The following WDR49 variants were observed in gnomAD, a reference collection of about 807,000 sequenced individuals.
WDR49 encodes the protein cilia- and flagella-associated protein 337.
Under a neutral mutation model 119.5 loss-of-function variants are expected in WDR49, and 107 were observed. The ratio of observed to expected loss-of-function variants is 0.90; its 90% confidence interval spans 0.77 to 1.05. The LOEUF is 1.05. Among genes scored for constraint, WDR49 ranks in the 50% least tolerant of loss-of-function variants. WDR49 has a pLI of 0.00. For missense variants in WDR49, 1,240 were observed against 1,220.5 expected, an observed-to-expected ratio of 1.02 and a Z score of -0.24; for synonymous variants, 425 against 418.8, an observed-to-expected ratio of 1.01 and a Z score of -0.18.
chr3:167,520,098 T>C (rs1281288922), intron 16 of WDR49, among the ~76,000 whole-genome samples: 2 of 151,470 alleles, frequency 1.3e-5, no homozygotes, highest in African/African-American at 4.9e-5. Context: ...TGTGTGTGTG[T>C]GCAAACTGGG....
intron 18 of WDR49, among the ~76,000 whole-genome samples, chr3:167,497,514 C>A (rs899989631): frequency 2.0e-5 from 3 of 152,096 alleles, no homozygotes; most frequent in Admixed American, 6.5e-5. Flanking sequence ...CACCTCTTTG[C>A]CCACACTTTT....
intron 5 of WDR49, among the ~76,000 whole-genome samples, chr3:167,616,876 G>T (rs760154389): frequency 6.6e-6 from 1 of 152,136 alleles, no homozygotes. Flanking sequence ...GGATACTAAG[G>T]TGAATGAGGA....
chr3:167,550,763 GTT>G (rs1308991677), intron 10 of WDR49, among the ~76,000 whole-genome samples: 5 of 135,726 alleles, frequency 3.7e-5, no homozygotes, highest in Admixed American at 7.5e-5. Context: ...GAACTAGGAG[GTT>G]TTTTTTTTTT....
chr3:167,576,547 G>T (rs1427075678), intron 7 of WDR49, among the ~76,000 whole-genome samples: 2 of 152,166 alleles, frequency 1.3e-5, no homozygotes, highest in Admixed American at 6.5e-5. Context: ...TGGTGAGATT[G>T]TCCTGGATTA....
intron 16 of WDR49, among the ~76,000 whole-genome samples, chr3:167,520,788 G>C (rs1009940859): frequency 4.6e-5 from 7 of 152,126 alleles, no homozygotes; most frequent in African/African-American, 1.7e-4. Context: ...ATTTTGCCAA[G>C]AAGGTAGCTC....
At position 167,563,849 on chromosome 3, in the gene WDR49, C is replaced by A. The variant is rs112614054; in HGVS notation, c.1510-3621G>T. On this transcript the variant is annotated intron_variant, in intron 8 of 18. Coordinates refer to ENST00000682715, the MANE Select transcript of WDR49 (RefSeq NM_001366157.1). The stretch of plus-strand genomic sequence containing the variant: ...GTGCTATAGAACACTAGAACTTATT[C>A]TTCTGATCTAGCTGTACTAAAAAGC... Among the ~76,000 whole-genome samples, 611 of 152,268 alleles carry A rather than the reference C, an allele frequency of 4.0e-3. 1 individual carries two copies. The highest frequency in any genetic ancestry group is 0.014 in the African/African-American group (580 of 41,566).
chr3:167,496,322 A>G (rs1209123405), intron 18 of WDR49, among the ~76,000 whole-genome samples: 1 of 151,960 alleles, frequency 6.6e-6, no homozygotes, highest in Non-Finnish European at 1.5e-5. Context: ...GCCCCCACCT[A>G]CCTGTCTAGC....
At chr3:167,527,553 G>A (rs1752679966) in intron 15 of WDR49, among the ~76,000 whole-genome samples, 1 of 152,004 alleles carries the variant, frequency 6.6e-6, no homozygotes, top group South Asian at 2.1e-4. Context: ...TTATTCTAGA[G>A]GAGAATTTTT....
chr3:167,635,069 T>C (rs530515681), intron 2 of WDR49, among the ~76,000 whole-genome samples: 1 of 151,864 alleles, frequency 6.6e-6, no homozygotes, highest in African/African-American at 2.4e-5. Flanking sequence ...TATAACCCCA[T>C]TATTAAAAAT....
chr3:167,554,842 C>G (rs1553865505), intron 9 of WDR49, 44 bp from the exon 10 acceptor site: 1 of 1,377,294 alleles, frequency 7.3e-7, no homozygotes, highest in South Asian at 1.3e-5. Context: ...GGAAGGTAAA[C>G]TTTTTATATT....
At chr3:167,602,633 A>G (rs527609708) in intron 6 of WDR49, among the ~76,000 whole-genome samples, 1 of 152,294 alleles carries the variant, frequency 6.6e-6, no homozygotes, top group South Asian at 2.1e-4. Context: ...AGCTTAGCCT[A>G]CAAATGTAGG....
At chr3:167,490,004 G>A (rs1178280181) in intron 18 of WDR49, among the ~76,000 whole-genome samples, 6 of 152,026 alleles carry the variant, frequency 3.9e-5, no homozygotes, top group African/African-American at 1.2e-4. Flanking sequence ...TTTCTAAGGA[G>A]CTCCCTGGTG....
intron 5 of WDR49, among the ~76,000 whole-genome samples, chr3:167,615,182 T>C (rs1716534609): frequency 6.6e-6 from 1 of 152,182 alleles, no homozygotes; most frequent in African/African-American, 2.4e-5. Context: ...CAGAGGTACT[T>C]GAGGAGTATA....
intron 2 of WDR49, among the ~76,000 whole-genome samples, chr3:167,648,644 T>C (rs774635971): frequency 2.0e-5 from 3 of 152,194 alleles, no homozygotes; most frequent in Non-Finnish European, 4.4e-5. Flanking sequence ...CTGTCCCTAC[T>C]TGCCATACGA....
intron 2 of WDR49, among the ~76,000 whole-genome samples, chr3:167,643,761 T>C (rs1465155739): frequency 1.3e-5 from 2 of 152,044 alleles, no homozygotes; most frequent in East Asian, 3.9e-4. Flanking sequence ...ATACCTGTTG[T>C]AAGAATGAGT....
chr3:167,653,284 C>T lies in WDR49; in HGVS notation c.142G>A (p.Val48Ile). 1 of 1,536,166 alleles carries T rather than the reference C, an allele frequency of 6.5e-7. No individual in the cohort carries two copies. The highest frequency in any genetic ancestry group is 8.7e-7 in the Non-Finnish European group (1 of 1,146,888). Residue 48 changes from valine (V) to isoleucine (I), a missense_variant, in exon 2 of 19, where the codon GTA (valine) becomes ATA (isoleucine). Coordinates refer to ENST00000682715, the MANE Select transcript of WDR49 (RefSeq NM_001366157.1). ...ACCTCAAAGGCCTTCTGTATTTTTA[C>T]AAAGTCACCCACGCTGAGTTGGTTT... is the stretch of plus-strand genomic sequence containing the variant. Reference protein sequence around the residue: ...LENQLSVGDFVKIQKAFESPQ... With the variant: ...LENQLSVGDFIKIQKAFESPQ...
intron 16 of WDR49, among the ~76,000 whole-genome samples, chr3:167,510,243 C>T (rs1751916841): frequency 6.6e-6 from 1 of 152,134 alleles, no homozygotes; most frequent in African/African-American, 2.4e-5. Context: ...ATGAGCTGGG[C>T]ATGGTGGCAT....
At chr3:167,520,155 G>A (rs1752384743) in intron 16 of WDR49, among the ~76,000 whole-genome samples, 1 of 151,840 alleles carries the variant, frequency 6.6e-6, no homozygotes, top group Admixed American at 6.6e-5. Context: ...GCTGAGGTGG[G>A]AGGATTGATT....
intron 10 of WDR49, among the ~76,000 whole-genome samples, chr3:167,546,290 T>A (rs1341140477): frequency 6.6e-6 from 1 of 151,992 alleles, no homozygotes; most frequent in Non-Finnish European, 1.5e-5. Flanking sequence ...TGTGTCAAAA[T>A]GTTGAAAAAC....
Sources: allele counts gnomAD v4.1 joint callset (sites outside exome capture counted in the v4.1 genomes callset), GRCh38; gene constraint gnomAD v4.1.1; transcripts MANE v1.5; gene names NCBI Gene and HGNC (gene_info 2026-07-23, HGNC 2026-07-21).